Variants in ERICH3 observed in about 807,000 individuals in gnomAD.
The protein encoded by ERICH3 is glutamate rich 3, also known as glutamate-rich protein 3.
A neutral mutation model predicts 131.1 loss-of-function variants in ERICH3; 126 were observed. That is an observed-to-expected ratio of 0.96 (90% confidence interval 0.83 to 1.11). The LOEUF is 1.11. Among genes scored for constraint, ERICH3 ranks in the 50% most tolerant of loss-of-function variants. The pLI is 0.00. For missense variants in ERICH3, 2,050 were observed against 1,810.7 expected, an observed-to-expected ratio of 1.13 and a Z score of -2.40; for synonymous variants, 695 against 644.6, an observed-to-expected ratio of 1.08 and a Z score of -1.18.
intron 6 of ERICH3, among the ~76,000 whole-genome samples, chr1:74,634,009 G>T (rs1212502558): frequency 1.3e-5 from 2 of 151,920 alleles, no homozygotes; most frequent in Admixed American, 6.6e-5. Flanking sequence ...CTGCTACTTA[G>T]CAAAGTTCAA....
At chr1:74,639,439 G>C (rs1451666330) in intron 5 of ERICH3, among the ~76,000 whole-genome samples, 2 of 152,264 alleles carry the variant, frequency 1.3e-5, no homozygotes, top group Non-Finnish European at 2.9e-5. Context: ...ACTAACAGCT[G>C]TGAGCTACAA....
rs1422792366 is a variant in ERICH3, at chr1:74,571,134, T to C, written c.4576A>G (p.Asn1526Asp). The change falls in exon 14 of 15, where the codon AAC becomes GAC. Residue 1526 changes from asparagine to aspartate, a missense_variant. Physicochemically the swap from Asn to Asp is conservative, Grantham distance 23 (BLOSUM62 1). Coordinates refer to ENST00000326665, the MANE Select transcript of ERICH3 (RefSeq NM_001002912.5). Reference sequence around the variant, plus strand: ...CAAGTCTCCTAGACCTGCACGTTGTTGGGGGAAACATCTGCAGTCTCGCTT... The same window carrying C: ...CAAGTCTCCTAGACCTGCACGTTGTCGGGGGAAACATCTGCAGTCTCGCTT... ...GESETADVSP[N>D]NVQV The C allele has an allele frequency of 1.2e-6, 2 of 1,613,550 alleles. No individual in the cohort carries two copies. Among genetic ancestry groups the C allele is most frequent in the Non-Finnish European group, 1.7e-6 (2 of 1,179,728 alleles).
chr1:74,577,103 A>G, intron 12 of ERICH3, 167 bp from the exon 13 acceptor site: 1 of 590,280 alleles, frequency 1.7e-6, no homozygotes, highest in Non-Finnish European at 3.0e-6. Context: ...TCCTACCAGT[A>G]TTGTATAATC....
intron 6 of ERICH3, chr1:74,634,956 A>T (rs12127070): frequency 2.7e-6 from 1 of 365,908 alleles, no homozygotes; most frequent in Non-Finnish European, 4.8e-6. Context: ...GGCTTCTCAT[A>T]TATGTCTGCC....
chr1:74,571,214 A>G lies in ERICH3; in HGVS notation c.4496T>C (p.Val1499Ala). 2 of 1,614,080 alleles carry G rather than the reference A, an allele frequency of 1.2e-6. No individual in the cohort carries two copies. The highest frequency in any genetic ancestry group is 1.7e-6 in the Non-Finnish European group (2 of 1,180,000). ...ESLQAMATLP[V>A]KPDFTETREK... Reference sequence around the variant, plus strand: ...TCGGGTTTCAGTGAAATCAGGCTTCACTGGAAGTGTTGCCATCGCCTGTAG... The same window carrying G: ...TCGGGTTTCAGTGAAATCAGGCTTCGCTGGAAGTGTTGCCATCGCCTGTAG... Residue 1499 changes from valine (V) to alanine (A), a missense_variant, in exon 14 of 15, where the codon GTG becomes GCG. By Grantham distance (64) the Val-to-Ala change is moderately conservative. Coordinates refer to ENST00000326665, the MANE Select transcript of ERICH3 (RefSeq NM_001002912.5).
chr1:74,571,025 A>T, intron 14 of ERICH3, 74 bp downstream of exon 14: 2 of 1,513,216 alleles, frequency 1.3e-6, no homozygotes, highest in Non-Finnish European at 1.8e-6. Flanking sequence ...TAAAGGGACA[A>T]GCCAGCCCCA....
chr1:74,634,491 T>C (rs1276690227), intron 6 of ERICH3, among the ~76,000 whole-genome samples: 1 of 151,820 alleles, frequency 6.6e-6, no homozygotes, highest in African/African-American at 2.4e-5. Flanking sequence ...AATTAGTAAA[T>C]CTATCCAGTG....
chr1:74,571,307 GT>G lies in ERICH3; in HGVS notation c.4402del (p.Thr1468GlnfsTer9), dbSNP rs1271336499. The G allele has an allele frequency of 1.9e-6, 3 of 1,613,848 alleles. No homozygotes were observed. The highest frequency in any genetic ancestry group is 2.5e-6 in the Non-Finnish European group (3 of 1,179,996). On this transcript the variant is annotated frameshift_variant, in exon 14 of 15. Transcript: ENST00000326665. LOFTEE classifies it high-confidence loss of function. ...ATGSGDGRQETGAAEKFRLGL... is the reference protein window; with the variant it reads ...ATGSGDGRQEXGAAEKFRLGL... ...TAATCGGAATTTTTCAGCTGCTCCT[GT>G]CTCCTGCCTCCCATCGCCACTCCCA...
At chr1:74,653,127 A>C (rs937123265) in intron 1 of ERICH3, among the ~76,000 whole-genome samples, 1 of 152,142 alleles carries the variant, frequency 6.6e-6, no homozygotes, top group African/African-American at 2.4e-5. Context: ...GCTCTGTAGT[A>C]AAGTCAGTGA....
At chr1:74,576,712 T>C (rs1300425937) in intron 13 of ERICH3, among the ~76,000 whole-genome samples, 183 bp downstream of exon 13, 1 of 152,078 alleles carries the variant, frequency 6.6e-6, no homozygotes, top group African/African-American at 2.4e-5. Context: ...ATATGATGAA[T>C]AAATGAATAC....
chr1:74,592,323 A>T (rs1478253619), intron 11 of ERICH3: 1 of 152,156 alleles, frequency 6.6e-6, no homozygotes, highest in East Asian at 1.9e-4. Flanking sequence ...AATCAAGGAG[A>T]GTTCTTCTCC....
rs1163159213 is a variant in ERICH3, at chr1:74,599,728, A to G, written c.1693T>C (p.Cys565Arg). 1.9e-6 allele frequency: 3 copies of G among 1,611,918 alleles called. No homozygotes were observed. The highest frequency in any genetic ancestry group is 2.2e-5 in the South Asian group (2 of 90,890). ...TCCTCTTCCAGTTCACTCTCAGAGC[A>G]TCCATCATTCTCATCTTTCACATTG... ...RDNVKDENDG[C>R]SESELEEDKQ... is the part of the protein sequence containing the mutation. Residue 565 changes from cysteine (C) to arginine (R), a missense_variant, in exon 11 of 15, where the codon TGC becomes CGC. Cys to Arg is a radical substitution (Grantham distance 180). Coordinates refer to ENST00000326665, the MANE Select transcript of ERICH3 (RefSeq NM_001002912.5).
chr1:74,647,348 A>T lies in ERICH3; in HGVS notation c.118-556T>A, dbSNP rs554484852. Among the ~76,000 whole-genome samples, 11 of 152,216 alleles carry T rather than the reference A, an allele frequency of 7.2e-5. No homozygotes were observed. The South Asian group carries it at 2.3e-3, about 32-fold the overall frequency. ...AGGGCAAACATGCGAGCTACAAAGG[A>T]TCTCATCAGTTTGCTTTAAAAATAC... On this transcript the variant is annotated intron_variant, in intron 2 of 14. Coordinates refer to ENST00000326665, the MANE Select transcript of ERICH3 (RefSeq NM_001002912.5).
chr1:74,631,676 G>A (rs762084052), intron 7 of ERICH3, 37 bp downstream of exon 7: 2 of 1,522,962 alleles, frequency 1.3e-6, no homozygotes, highest in South Asian at 2.2e-5. Context: ...TGTAATCTGA[G>A]ATAAATTAAT....
At chr1:74,631,995 T>A in intron 6 of ERICH3, 67 bp from the exon 7 acceptor site, 1 of 1,401,140 alleles carries the variant, frequency 7.1e-7, no homozygotes, top group Non-Finnish European at 9.9e-7. Flanking sequence ...AACCCAAATT[T>A]AAAGACAAGC....
chr1:74,572,066 G>GC lies in ERICH3; in HGVS notation c.3643dup (p.Ala1215GlyfsTer6), dbSNP rs753220906. The GC allele has an allele frequency of 4.3e-6, 7 of 1,614,048 alleles. No individual in the cohort carries two copies. In the Admixed American group the frequency reaches 1.2e-4, roughly 27 times the overall value. On this transcript the variant is annotated frameshift_variant, in exon 14 of 15. Coordinates refer to ENST00000326665, the MANE Select transcript of ERICH3 (RefSeq NM_001002912.5). LOFTEE classifies it high-confidence loss of function. Reference sequence around the variant, plus strand: ...TGGCTCAGCTTCAGGAGCTGCTAAGGCCCCCTCTCCATCTTGGCGGTGCCC... The same window carrying GC: ...TGGCTCAGCTTCAGGAGCTGCTAAGGCCCCCCTCTCCATCTTGGCGGTGCCC...
intron 8 of ERICH3, among the ~76,000 whole-genome samples, chr1:74,619,633 G>GCCACT (rs1180188515): frequency 6.6e-6 from 1 of 152,150 alleles, no homozygotes; most frequent in Admixed American, 6.5e-5. Context: ...ACCTTGGGGA[G>GCCACT]CCACTCCACC....
Position 74,589,806 on chromosome 1 carries a change from AT to A in ERICH3, c.2000del (p.Asn667MetfsTer46). 1 of 1,614,084 alleles carries A rather than the reference AT, an allele frequency of 6.2e-7. No individual in the cohort carries two copies. The highest frequency in any genetic ancestry group is 8.5e-7 in the Non-Finnish European group (1 of 1,179,990). On this transcript the variant is annotated frameshift_variant, in exon 12 of 15. Coordinates refer to ENST00000326665, the MANE Select transcript of ERICH3 (RefSeq NM_001002912.5). LOFTEE classifies it high-confidence loss of function. ...CTTTCTCCGTTCCTTCTTTAAGAAC[AT>A]TCTCAAAGCTTTCGTCTATTGGCAT... ...KPMPIDESFE[N>X]VLKEGTEKGT...
At chr1:74,623,371 A>C (rs577800552) in intron 7 of ERICH3, 1 of 152,332 alleles carries the variant, frequency 6.6e-6, no homozygotes, top group Non-Finnish European at 1.5e-5. Context: ...TGATATACTA[A>C]GTTTTCACTG....
Sources: gnomAD v4.1 joint callset for allele counts (sites outside exome capture counted in the v4.1 genomes callset) on GRCh38, gnomAD v4.1.1 for gene constraint, MANE v1.5 for transcripts, NCBI Gene and HGNC (gene_info 2026-07-23, HGNC 2026-07-21) for gene names.